TLL2: variants seen among roughly 807,000 people sequenced by gnomAD.
TLL2 encodes the protein tolloid like 2.
A neutral mutation model predicts 123.0 loss-of-function variants in TLL2; 106 were observed. That is an observed-to-expected ratio of 0.86 (90% CI 0.74 to 1.01). TLL2 has a LOEUF of 1.01. Ranked by LOEUF, TLL2 falls within the 50% of genes least tolerant of loss-of-function variation. TLL2 has a pLI of 0.00. For missense variants in TLL2, 1,332 were observed against 1,336.7 expected, an observed-to-expected ratio of 1.00 and a Z score of 0.06; for synonymous variants, 494 against 516.8, an observed-to-expected ratio of 0.96 and a Z score of 0.60.
chr10:96,367,847 C>G lies in TLL2; in HGVS notation c.*241G>C. On this transcript the variant is annotated 3_prime_UTR_variant, in exon 21 of 21. Transcript: ENST00000357947. ...GTGACTTCAATCCTAATCTTTAACA[C>G]TTTAACAGTTCATGAATGATAACAT... 2.1e-6 allele frequency: 1 copy of G among 476,322 alleles called. No individual in the cohort carries two copies. Among genetic ancestry groups the G allele is most frequent in the Admixed American group, 3.3e-5 (1 of 30,500 alleles). The allele number at this position is 476,322 out of a possible 1,614,324, so 29.5% of individuals were successfully genotyped here. A position where few individuals can be genotyped will look rare whatever the true frequency, so the allele number is the denominator to read the frequency against.
chr10:96,455,885 G>T (rs1564910747), intron 2 of TLL2, among the ~76,000 whole-genome samples: 1 of 152,162 alleles, frequency 6.6e-6, no homozygotes, highest in Non-Finnish European at 1.5e-5. Context: ...CCTCTCTTGG[G>T]GTCTGGATCG....
At position 96,463,431 on chromosome 10, in the gene TLL2, C is replaced by T. The variant is rs75264592; in HGVS notation, c.286+16918G>A. Among the ~76,000 whole-genome samples the T allele has an allele frequency of 4.9e-3, 749 of 152,328 alleles. 8 individuals carry two copies. Among genetic ancestry groups the T allele is most frequent in the African/African-American group, 0.017 (709 of 41,570 alleles). ...AAGGACCTGAAGCTGGGGCTCATGA[C>T]CTGTGTTCTCCCAGCATGATGGACC... On this transcript the variant is annotated intron_variant, in intron 2 of 20. Transcript: ENST00000357947.
rs75714342 is a variant in TLL2, at chr10:96,412,409, A to T, written c.1048+783T>A. 4.5e-3 allele frequency among the ~76,000 whole-genome samples: 689 copies of T among 152,302 alleles called. 8 individuals are homozygous for T. The highest frequency in any genetic ancestry group is 0.016 in the African/African-American group (660 of 41,570). ...CCTAAAACCACTGAAATGGATTCTG[A>T]TCCATCAGTACTAAAAACTCAGCTG... On this transcript the variant is annotated intron_variant, in intron 8 of 20. Coordinates refer to ENST00000357947, the MANE Select transcript of TLL2 (RefSeq NM_012465.4).
In TLL2 at chr10:96,432,843, C is replaced by T. The variant is rs769963012; in HGVS notation, c.484G>A (p.Gly162Arg). ...CCTCCAATGACGTAGGGGATGACTC[C>T]TCCAGGCCATATCCTCTCTGTCCTT... Reference protein sequence around the residue: ...TSRTERIWPGGVIPYVIGGNF... With the variant: ...TSRTERIWPGRVIPYVIGGNF... Residue 162 changes from glycine (G) to arginine (R), a missense_variant, in exon 4 of 21, where the codon GGA becomes AGA. Physicochemically the swap from Gly to Arg is moderately radical, Grantham distance 125. Coordinates refer to ENST00000357947, the MANE Select transcript of TLL2 (RefSeq NM_012465.4). The T allele has an allele frequency of 6.2e-7, 1 of 1,614,096 alleles. No individual in the cohort carries two copies. The highest frequency in any genetic ancestry group is 8.5e-7 in the Non-Finnish European group (1 of 1,180,008).
intron 1 of TLL2, among the ~76,000 whole-genome samples, chr10:96,497,229 G>A (rs1168373117): frequency 1.3e-5 from 2 of 152,136 alleles, no homozygotes; most frequent in Non-Finnish European, 2.9e-5. Flanking sequence ...GGCAGAGGTT[G>A]CAGTAAGCTA....
chr10:96,505,979 CG>C (rs1755037396), intron 1 of TLL2, among the ~76,000 whole-genome samples: 1 of 152,022 alleles, frequency 6.6e-6, no homozygotes, highest in Non-Finnish European at 1.5e-5. Context: ...TGAGGCTGGG[CG>C]CGGTGGCTTG....
intron 7 of TLL2, among the ~76,000 whole-genome samples, chr10:96,415,834 G>A (rs938738693): frequency 7.8e-6 from 1 of 127,974 alleles, no homozygotes; most frequent in African/African-American, 2.9e-5. Flanking sequence ...TATTACCCCT[G>A]GTTCTTCCTG....
At position 96,453,691 on chromosome 10, in the gene TLL2, G is replaced by A. The variant is rs538835961; in HGVS notation, c.287-7523C>T. 1.2e-4 allele frequency among the ~76,000 whole-genome samples: 19 copies of A among 152,106 alleles called. No homozygotes were observed. In the South Asian group the frequency reaches 1.5e-3, roughly 12 times the overall value. On this transcript the variant is annotated intron_variant, in intron 2 of 20. Transcript: ENST00000357947. ...AAGTTTACTAGGTGAGAAAGTGCTC[G>A]GATTATAAGTCAAAAAACAGGTTAG...
At chr10:96,437,012 G>A (rs1006949803) in intron 3 of TLL2, among the ~76,000 whole-genome samples, 8 of 151,932 alleles carry the variant, frequency 5.3e-5, no homozygotes, top group Non-Finnish European at 1.2e-4. Context: ...ATTTTGGTTA[G>A]TGTTTGCCTC....
intron 3 of TLL2, among the ~76,000 whole-genome samples, chr10:96,438,832 C>G (rs1846822560): frequency 1.3e-5 from 2 of 152,132 alleles, no homozygotes; most frequent in African/African-American, 2.4e-5. Context: ...TAATTCCTCT[C>G]TATTCCTAAT....
chr10:96,373,913 G>A, intron 18 of TLL2, 104 bp from the exon 19 acceptor site: 1 of 985,222 alleles, frequency 1.0e-6, no homozygotes, highest in Non-Finnish European at 1.5e-6. Flanking sequence ...AGTGCAGGGA[G>A]ACGTCCAGCT....
chr10:96,391,644 G>A (rs1359329042), intron 13 of TLL2, among the ~76,000 whole-genome samples: 1 of 152,188 alleles, frequency 6.6e-6, no homozygotes, highest in Non-Finnish European at 1.5e-5. Context: ...CCTACCAGGG[G>A]ATTGTAATGA....
intron 10 of TLL2, among the ~76,000 whole-genome samples, chr10:96,403,866 T>C (rs1049248825): frequency 6.6e-6 from 1 of 152,148 alleles, no homozygotes; most frequent in African/African-American, 2.4e-5. Context: ...AGGCAAGATA[T>C]GTTTGCAGCA....
At chr10:96,368,316 G>A in intron 20 of TLL2, 94 bp from the exon 21 acceptor site, 1 of 1,437,872 alleles carries the variant, frequency 7.0e-7, no homozygotes, top group Non-Finnish European at 9.5e-7. Flanking sequence ...AAGGACACAG[G>A]ATGTGTCTCT....
chr10:96,481,460 G>A (rs894523459), intron 1 of TLL2, among the ~76,000 whole-genome samples: 1 of 152,188 alleles, frequency 6.6e-6, no homozygotes, highest in Admixed American at 6.5e-5. Flanking sequence ...CATTACTGGA[G>A]CACAGTCTCT....
chr10:96,417,807 C>A (rs1203399934), intron 7 of TLL2, among the ~76,000 whole-genome samples: 3 of 152,182 alleles, frequency 2.0e-5, no homozygotes, highest in Non-Finnish European at 4.4e-5. Context: ...GACTCCCCAG[C>A]CCAATCAATC....
At chr10:96,504,877 G>A (rs949576528) in intron 1 of TLL2, among the ~76,000 whole-genome samples, 11 of 152,112 alleles carry the variant, frequency 7.2e-5, no homozygotes, top group Non-Finnish European at 1.2e-4. Context: ...GCGTGGTGGC[G>A]GGCGCCTGTA....
At chr10:96,461,056 T>C (rs541212922) in intron 2 of TLL2, among the ~76,000 whole-genome samples, 5 of 152,316 alleles carry the variant, frequency 3.3e-5, no homozygotes, top group African/African-American at 7.2e-5. Context: ...GATAATCATA[T>C]AGAAGACGTT....
In TLL2 at chr10:96,458,686, G is replaced by T. The variant is rs1229623182; in HGVS notation, c.287-12518C>A. 6.7e-5 allele frequency among the ~76,000 whole-genome samples: 10 copies of T among 150,052 alleles called. No homozygotes were observed. The East Asian group carries it at 1.8e-3, about 26-fold the overall frequency. On this transcript the variant is annotated intron_variant, in intron 2 of 20. Transcript: ENST00000357947. The stretch of plus-strand genomic sequence containing the variant: ...CTAGGGAGTCTGAGGTGGGAGAATT[G>T]CTTGAACCCAGGAGGCAGAGGTTGC...
Sources: gnomAD v4.1 joint callset for allele counts (sites outside exome capture counted in the v4.1 genomes callset) on GRCh38, gnomAD v4.1.1 for gene constraint, MANE v1.5 for transcripts, NCBI Gene and HGNC (gene_info 2026-07-23, HGNC 2026-07-21) for gene names.